Variants in KCNAB1 observed in about 807,000 individuals in gnomAD.
KCNAB1 encodes the protein voltage-gated potassium channel subunit beta-1.
A neutral mutation model predicts 64.6 loss-of-function variants in KCNAB1; 35 were observed. The ratio of observed to expected loss-of-function variants is 0.54; its 90% CI spans 0.41 to 0.72. KCNAB1 has a LOEUF of 0.72. Among genes scored for constraint, KCNAB1 ranks in the 30% least tolerant of loss-of-function variants. The pLI, the probability that KCNAB1 is intolerant of heterozygous loss-of-function variation, is 0.00. For synonymous variants in KCNAB1, 177 were observed against 183.8 expected (o/e 0.96, Z 0.30); for missense variants, 401 against 512.9 (o/e 0.78, Z 2.11).
chr3:156,514,547 C>T (rs1717430803), intron 9 of KCNAB1, 98 bp downstream of exon 9: 4 of 829,350 alleles, frequency 4.8e-6, no homozygotes, highest in Admixed American at 3.8e-5. Context: ...ACTTTTCTCA[C>T]AATCACTATG....
At chr3:156,364,700 C>T (rs1342183924) in intron 1 of KCNAB1, among the ~76,000 whole-genome samples, 3 of 152,106 alleles carry the variant, frequency 2.0e-5, no homozygotes, top group African/African-American at 7.2e-5. Context: ...ATTGCTTGAA[C>T]CTGGGAGGTG....
chr3:156,493,421 TG>T (rs1715779124), intron 8 of KCNAB1, among the ~76,000 whole-genome samples: 1 of 152,128 alleles, frequency 6.6e-6, no homozygotes, highest in Admixed American at 6.6e-5. Context: ...ATTTGTTGTA[TG>T]TACTTTTGTC....
intron 1 of KCNAB1, among the ~76,000 whole-genome samples, chr3:156,397,627 CAT>C (rs756200540): frequency 5.3e-5 from 8 of 151,466 alleles, no homozygotes; most frequent in Non-Finnish European, 1.0e-4. Flanking sequence ...CTTTTTTTTT[CAT>C]AGAGACATTA....
intron 1 of KCNAB1, among the ~76,000 whole-genome samples, chr3:156,194,580 G>A (rs1294493315): frequency 6.6e-6 from 1 of 152,042 alleles, no homozygotes; most frequent in East Asian, 1.9e-4. Context: ...TACTTTTGGA[G>A]TTTATTTATC....
chr3:156,527,067 G>A (rs1392375844), intron 12 of KCNAB1, among the ~76,000 whole-genome samples: 2 of 152,130 alleles, frequency 1.3e-5, no homozygotes, highest in African/African-American at 4.8e-5. Flanking sequence ...AGAAATGGGA[G>A]GTGATTTTAG....
chr3:156,230,810 G>T (rs559930150), intron 1 of KCNAB1, among the ~76,000 whole-genome samples: 1 of 152,300 alleles, frequency 6.6e-6, no homozygotes, highest in Admixed American at 6.5e-5. Flanking sequence ...AATTACATAT[G>T]ATTGTGTATC....
At chr3:156,395,623 G>A (rs1477026086) in intron 1 of KCNAB1, among the ~76,000 whole-genome samples, 4 of 141,342 alleles carry the variant, frequency 2.8e-5, no homozygotes, top group Admixed American at 1.5e-4. Context: ...TGGTTCCAAC[G>A]TACTGTTTTC....
intron 1 of KCNAB1, among the ~76,000 whole-genome samples, chr3:156,305,025 A>G (rs1315924861): frequency 6.6e-6 from 1 of 151,926 alleles, no homozygotes; most frequent in East Asian, 1.9e-4. Context: ...GAAGCATGGC[A>G]TACTAGCTAA....
At position 156,131,276 on chromosome 3, in the gene KCNAB1, A is replaced by G. The variant is rs568101545; in HGVS notation, c.275+10390A>G. On this transcript the variant is annotated intron_variant, in intron 1 of 13. Transcript: ENST00000490337. ...GGCAGTTGAAACAACAGCTTTCCCC[A>G]ACAGCCTCCCCAGGTATGTGAAATG... Among the ~76,000 whole-genome samples the G allele has an allele frequency of 9.2e-5, 14 of 152,324 alleles. No homozygotes were observed. The East Asian group carries it at 1.3e-3, about 15-fold the overall frequency.
chr3:156,194,704 A>G (rs1490673347), intron 1 of KCNAB1, among the ~76,000 whole-genome samples: 1 of 152,214 alleles, frequency 6.6e-6, no homozygotes, highest in African/African-American at 2.4e-5. Flanking sequence ...TTTTAATTAT[A>G]CATATATTAA....
chr3:156,222,229 G>A (rs1715820176), intron 1 of KCNAB1, among the ~76,000 whole-genome samples: 1 of 152,086 alleles, frequency 6.6e-6, no homozygotes, highest in Admixed American at 6.6e-5. Flanking sequence ...AAGGGGGGCG[G>A]GAAGAAGATA....
At chr3:156,160,531 G>T (rs1716015844) in intron 1 of KCNAB1, among the ~76,000 whole-genome samples, 1 of 152,194 alleles carries the variant, frequency 6.6e-6, no homozygotes, top group African/African-American at 2.4e-5. Flanking sequence ...AGGCAGGGAA[G>T]AAAGAGATCA....
intron 1 of KCNAB1, among the ~76,000 whole-genome samples, chr3:156,368,497 TCACTGCAGCCTCA>T (rs1160167377): frequency 6.6e-6 from 1 of 152,200 alleles, no homozygotes; most frequent in Admixed American, 6.5e-5. Flanking sequence ...CAATCATAGC[TCACTGCAGCCTCA>T]AACTCCTGGG....
chr3:156,122,529 C>T (rs1713409914), intron 1 of KCNAB1, among the ~76,000 whole-genome samples: 2 of 152,180 alleles, frequency 1.3e-5, no homozygotes, highest in Non-Finnish European at 2.9e-5. Context: ...CTGCTCTTTT[C>T]TGCTTCACTT....
rs1318444935 is a variant in KCNAB1 at position 156,395,543 on chromosome 3, T to TAAAAAG, written c.276-26073_276-26072insAAAAAG. On this transcript the variant is annotated intron_variant, in intron 1 of 13. Transcript: ENST00000490337. ...CTGGGCGACAGAGCGAGACTCCGTC[T>TAAAAAG]CAAAAAAAAAAAAAAAAAAAAAAAA... is the stretch of plus-strand genomic sequence containing the variant. Among the ~76,000 whole-genome samples, 8 of 8,450 alleles carry TAAAAAG rather than the reference T, an allele frequency of 9.5e-4. No homozygotes were observed. In the Admixed American group the frequency reaches 0.014, roughly 14 times the overall value. 5.5% of individuals were successfully genotyped at this position (8,450 alleles called of 152,430 possible). A position where few individuals can be genotyped will look rare whatever the true frequency, so the allele number is the denominator to read the frequency against.
intron 1 of KCNAB1, among the ~76,000 whole-genome samples, chr3:156,214,936 C>G (rs554670243): frequency 1.3e-5 from 2 of 152,132 alleles, no homozygotes; most frequent in Non-Finnish European, 2.9e-5. Flanking sequence ...GGGTGTACAG[C>G]CTTCCTTGGA....
chr3:156,127,134 T>C (rs544585829), intron 1 of KCNAB1, among the ~76,000 whole-genome samples: 20 of 152,322 alleles, frequency 1.3e-4, no homozygotes, highest in African/African-American at 4.6e-4. Flanking sequence ...TCTGCCACTT[T>C]CCTCTTTTTC....
intron 1 of KCNAB1, among the ~76,000 whole-genome samples, chr3:156,293,301 A>T (rs1231512496): frequency 6.6e-6 from 1 of 152,178 alleles, no homozygotes; most frequent in African/African-American, 2.4e-5. Flanking sequence ...CTTCCAAAAA[A>T]CTTTGGTTAC....
At chr3:156,405,112 C>T (rs1029763436) in intron 1 of KCNAB1, among the ~76,000 whole-genome samples, 1 of 152,176 alleles carries the variant, frequency 6.6e-6, no homozygotes, top group African/African-American at 2.4e-5. Flanking sequence ...ATGAACCCTG[C>T]TGAGGTTAGA....
Sources: gnomAD v4.1 joint callset for allele counts (sites outside exome capture counted in the v4.1 genomes callset) on GRCh38, gnomAD v4.1.1 for gene constraint, MANE v1.5 for transcripts, NCBI Gene and HGNC (gene_info 2026-07-23, HGNC 2026-07-21) for gene names.